Variants in ZNF385B observed in about 807,000 individuals in gnomAD.
ZNF385B encodes zinc finger protein 533.
Under a neutral mutation model 39.2 loss-of-function variants are expected in ZNF385B, and 23 were observed. The ratio of observed to expected loss-of-function variants is 0.59; its 90% CI spans 0.42 to 0.83. The LOEUF (loss-of-function observed/expected upper bound fraction) is 0.83. Among genes scored for constraint, ZNF385B ranks in the 40% least tolerant of loss-of-function variants. The pLI, the probability that ZNF385B is intolerant of heterozygous loss-of-function variation, is 0.00. For missense variants in ZNF385B, 552 were observed against 598.9 expected (o/e 0.92, Z 0.82); for synonymous variants, 205 against 222.6 (o/e 0.92, Z 0.70).
chr2:179,620,149 T>A (rs1395767043), intron 3 of ZNF385B, among the ~76,000 whole-genome samples: 1 of 152,190 alleles, frequency 6.6e-6, no homozygotes, highest in Non-Finnish European at 1.5e-5. Flanking sequence ...AGTGATTAGC[T>A]AAGATTATGA....
chr2:179,726,416 T>G (rs895464420), intron 3 of ZNF385B, among the ~76,000 whole-genome samples: 3 of 151,650 alleles, frequency 2.0e-5, no homozygotes, highest in Admixed American at 1.3e-4. Flanking sequence ...GTCCTCACTC[T>G]TTCACTTACT....
At chr2:179,835,796 A>T (rs1182036059) in intron 1 of ZNF385B, among the ~76,000 whole-genome samples, 2 of 152,064 alleles carry the variant, frequency 1.3e-5, no homozygotes, top group Admixed American at 1.3e-4. Flanking sequence ...CTCTCTTGGC[A>T]GGCTTTCTCT....
chr2:179,637,250 G>A (rs1218556155), intron 3 of ZNF385B: 1 of 152,184 alleles, frequency 6.6e-6, no homozygotes. Flanking sequence ...AGATGCCTCA[G>A]TGATTATAGT....
chr2:179,791,551 G>C (rs1014670022), intron 1 of ZNF385B, among the ~76,000 whole-genome samples: 3 of 152,110 alleles, frequency 2.0e-5, no homozygotes, highest in Non-Finnish European at 4.4e-5. Flanking sequence ...ATAAACCAAG[G>C]CCAGGCTAGT....
chr2:179,738,567 C>T (rs531118328), intron 3 of ZNF385B, among the ~76,000 whole-genome samples: 1 of 152,268 alleles, frequency 6.6e-6, no homozygotes, highest in Non-Finnish European at 1.5e-5. Context: ...TTCACTACTT[C>T]CTCCACTTAC....
At chr2:179,497,693 A>C (rs2056369268) in intron 5 of ZNF385B, among the ~76,000 whole-genome samples, 1 of 152,144 alleles carries the variant, frequency 6.6e-6, no homozygotes, top group Non-Finnish European at 1.5e-5. Context: ...AACACATAAA[A>C]AAATGGCAGG....
In ZNF385B at chr2:179,518,830, AAAC is replaced by A. The variant is rs529888840; in HGVS notation, c.442-195_442-193del. Among the ~76,000 whole-genome samples, 44 of 152,354 alleles carry A rather than the reference AAAC, an allele frequency of 2.9e-4. No homozygotes were observed. In the East Asian group the frequency reaches 7.9e-3, roughly 27 times the overall value. On this transcript the variant is annotated intron_variant, in intron 4 of 9. Coordinates refer to ENST00000410066, the MANE Select transcript of ZNF385B (RefSeq NM_152520.6). ...AAACAAAAACAAATGACAAAAATGAAAACAAAAAATGGCTTTGAAAACATAACT... is the reference window on the plus strand; with the variant it reads ...AAACAAAAACAAATGACAAAAATGAAAAAAAATGGCTTTGAAAACATAACT...
chr2:179,855,269 CTG>C (rs1319253093), intron 1 of ZNF385B, among the ~76,000 whole-genome samples: 1 of 152,202 alleles, frequency 6.6e-6, no homozygotes, highest in African/African-American at 2.4e-5. Flanking sequence ...ATATCTCTCT[CTG>C]TGTGCTTTTC....
At chr2:179,582,109 A>C (rs1686598346) in intron 3 of ZNF385B, among the ~76,000 whole-genome samples, 1 of 152,168 alleles carries the variant, frequency 6.6e-6, no homozygotes, top group South Asian at 2.1e-4. Context: ...CCTCATAACC[A>C]CTTCGGTAGT....
At chr2:179,620,335 C>T (rs764878529) in intron 3 of ZNF385B, among the ~76,000 whole-genome samples, 9 of 152,118 alleles carry the variant, frequency 5.9e-5, no homozygotes, top group Non-Finnish European at 1.0e-4. Context: ...CTCTGATCTT[C>T]GGATCTGGGG....
intron 4 of ZNF385B, chr2:179,522,922 TA>T (rs1271286887): frequency 4.6e-6 from 2 of 437,458 alleles, no homozygotes; most frequent in African/African-American, 4.1e-5. Context: ...TCTTCTTTTC[TA>T]AAAAAGTAAA....
At chr2:179,590,493 T>A (rs1390315349) in intron 3 of ZNF385B, among the ~76,000 whole-genome samples, 3 of 152,216 alleles carry the variant, frequency 2.0e-5, no homozygotes, top group African/African-American at 7.2e-5. Context: ...TCTTTATTTC[T>A]CCATTTTAGA....
At chr2:179,833,239 T>G (rs1708076311) in intron 1 of ZNF385B, among the ~76,000 whole-genome samples, 1 of 152,162 alleles carries the variant, frequency 6.6e-6, no homozygotes, top group South Asian at 2.1e-4. Context: ...TGTGCCCATA[T>G]TTTGACTATT....
rs3054031 is a variant in ZNF385B, at chr2:179,526,036, A to ATTTT, written c.442-7402_442-7399dup. On this transcript the variant is annotated intron_variant, in intron 4 of 9. Coordinates refer to ENST00000410066, the MANE Select transcript of ZNF385B (RefSeq NM_152520.6). ...GTTGGCAACACTAGTTTAACCACAG[A>ATTTT]TTTTTTTTTTTTTTTTTTTTTACAC... Among the ~76,000 whole-genome samples, 61 of 129,144 alleles carry ATTTT rather than the reference A, an allele frequency of 4.7e-4. 1 individual carries two copies. The highest frequency in any genetic ancestry group is 7.2e-4 in the African/African-American group (25 of 34,726). The allele number at this position is 129,144 out of a possible 152,430, so 84.7% of individuals were successfully genotyped here. A position where few individuals can be genotyped will look rare whatever the true frequency, so the allele number is the denominator to read the frequency against.
intron 1 of ZNF385B, among the ~76,000 whole-genome samples, chr2:179,793,208 T>C (rs1705453057): frequency 6.6e-6 from 1 of 152,188 alleles, no homozygotes; most frequent in African/African-American, 2.4e-5. Flanking sequence ...AAATCAGACA[T>C]GAACCCAGAT....
chr2:179,752,634 GT>G (rs1447639465), intron 3 of ZNF385B, among the ~76,000 whole-genome samples: 2 of 152,246 alleles, frequency 1.3e-5, no homozygotes, highest in Non-Finnish European at 1.5e-5. Context: ...ATTCTAACTG[GT>G]GTGAGATGGT....
chr2:179,499,603 T>G (rs1483807584), intron 5 of ZNF385B, among the ~76,000 whole-genome samples: 2 of 151,934 alleles, frequency 1.3e-5, no homozygotes, highest in East Asian at 3.8e-4. Context: ...CCCTTCATGA[T>G]AAAAACCCTA....
At chr2:179,451,482 G>A (rs548261681) in intron 6 of ZNF385B, among the ~76,000 whole-genome samples, 2 of 152,054 alleles carry the variant, frequency 1.3e-5, no homozygotes, top group East Asian at 1.9e-4. Context: ...CATATACTAA[G>A]GGCAGACACT....
At chr2:179,537,313 AAAAT>A (rs1559429858) in intron 4 of ZNF385B, among the ~76,000 whole-genome samples, 2 of 142,478 alleles carry the variant, frequency 1.4e-5, no homozygotes, top group Non-Finnish European at 3.0e-5. Context: ...CAAAAAAAAA[AAAAT>A]AAATAAAAAA....
Sources: allele counts gnomAD v4.1 joint callset (sites outside exome capture counted in the v4.1 genomes callset), GRCh38; gene constraint gnomAD v4.1.1; transcripts MANE v1.5; gene names NCBI Gene and HGNC (gene_info 2026-07-23, HGNC 2026-07-21).